The following MEMO1 variants were observed in gnomAD, a reference collection of about 807,000 sequenced individuals.
MEMO1 encodes the protein mediator of cell motility 1, also known as protein MEMO1.
A neutral mutation model predicts 45.2 loss-of-function variants in MEMO1; 6 were observed. The observed-to-expected ratio is 0.13, with a 90% CI of 0.07 to 0.26. MEMO1 has a LOEUF of 0.26. MEMO1 is among the 10% of genes least tolerant of loss of function. MEMO1 has a pLI of 1.00. For synonymous variants in MEMO1, 78 were observed against 124.3 expected, an observed-to-expected ratio of 0.63 and a Z score of 2.48; for missense variants, 184 against 370.5, an observed-to-expected ratio of 0.50 and a Z score of 4.13.
intron 4 of MEMO1, 85 bp from the exon 5 acceptor site, chr2:31,920,995 C>A: frequency 2.2e-6 from 2 of 892,354 alleles, no homozygotes; most frequent in South Asian, 1.6e-5. Flanking sequence ...GTAATTCTTA[C>A]AAATCACTTG....
intron 6 of MEMO1, among the ~76,000 whole-genome samples, chr2:31,912,610 T>C (rs1680751400): frequency 6.6e-6 from 1 of 150,770 alleles, no homozygotes; most frequent in African/African-American, 2.4e-5. Flanking sequence ...AAAGTAATCA[T>C]AAGAAAAAAA....
chr2:31,973,217 GC>G (rs1669609047), intron 2 of MEMO1, among the ~76,000 whole-genome samples: 1 of 152,202 alleles, frequency 6.6e-6, no homozygotes, highest in South Asian at 2.1e-4. Context: ...ACTTTGGGAG[GC>G]CGAGGTGGGT....
intron 2 of MEMO1, among the ~76,000 whole-genome samples, chr2:31,962,090 A>G (rs1668071385): frequency 6.6e-6 from 1 of 152,146 alleles, no homozygotes; most frequent in South Asian, 2.1e-4. Flanking sequence ...AAAATTGTTC[A>G]GGTTGATACA....
intron 4 of MEMO1, among the ~76,000 whole-genome samples, chr2:31,921,431 T>G (rs927101203): frequency 1.3e-5 from 2 of 152,210 alleles, no homozygotes; most frequent in East Asian, 1.9e-4. Context: ...CTTTGTTGGA[T>G]GGCCTTTAAG....
intron 2 of MEMO1, among the ~76,000 whole-genome samples, chr2:32,009,668 C>T (rs1295179749): frequency 6.6e-6 from 1 of 152,074 alleles, no homozygotes; most frequent in Non-Finnish European, 1.5e-5. Flanking sequence ...GAGGGCACTC[C>T]CCGGACCGCC....
Position 31,913,850 on chromosome 2 carries a change from A to C in MEMO1, c.437+4076T>G, listed in dbSNP as rs563234415. 7.8e-4 allele frequency among the ~76,000 whole-genome samples: 119 copies of C among 152,284 alleles called. 1 individual carries two copies. The highest frequency in any genetic ancestry group is 2.6e-3 in the African/African-American group (109 of 41,560). On this transcript the variant is annotated intron_variant, in intron 6 of 9. Transcript: ENST00000404530. The stretch of plus-strand genomic sequence containing the variant: ...AAATTCTTCCCACCTCTCAATGCTC[A>C]ATGTCACTCCTCCCATCAAAAATAG...
At chr2:31,974,136 T>C (rs929408088) in intron 2 of MEMO1, among the ~76,000 whole-genome samples, 13 of 141,706 alleles carry the variant, frequency 9.2e-5, no homozygotes, top group Non-Finnish European at 1.2e-4. Flanking sequence ...TTTAATATCA[T>C]GGATATTCAC....
chr2:31,898,334 C>T (rs1678202149), intron 6 of MEMO1, among the ~76,000 whole-genome samples: 1 of 152,168 alleles, frequency 6.6e-6, no homozygotes, highest in Admixed American at 6.5e-5. Flanking sequence ...ATCTCTCCCT[C>T]TTTCTCCTGT....
rs1193134219 is a variant in MEMO1, at chr2:31,933,349, ATTTATAT to A, written c.144-1221_144-1215del. Among the ~76,000 whole-genome samples the A allele has an allele frequency of 9.1e-3, 176 of 19,272 alleles. 3 individuals carry two copies. The highest frequency in any genetic ancestry group is 0.015 in the African/African-American group (63 of 4,148). The allele number at this position is 19,272 out of a possible 152,430, so 12.6% of individuals were successfully genotyped here. A position where few individuals can be genotyped will look rare whatever the true frequency, so the allele number is the denominator to read the frequency against. ...AAAAAAAAAAAAAAAAAAAAAAAAA[ATTTATAT>A]ATATATATATATATATATATATATA... is the stretch of plus-strand genomic sequence containing the variant. On this transcript the variant is annotated intron_variant, in intron 3 of 9. Coordinates refer to ENST00000404530, the MANE Select transcript of MEMO1 (RefSeq NM_001301833.4).
chr2:31,990,062 A>G (rs931680635), intron 2 of MEMO1, among the ~76,000 whole-genome samples: 9 of 152,222 alleles, frequency 5.9e-5, no homozygotes, highest in Non-Finnish European at 1.3e-4. Context: ...GGTTGCAATG[A>G]GCCATGAGCA....
At chr2:31,900,683 T>TA (rs1678655171) in intron 6 of MEMO1, among the ~76,000 whole-genome samples, 1 of 150,592 alleles carries the variant, frequency 6.6e-6, no homozygotes. Flanking sequence ...GTACAATAAT[T>TA]TAAAAAAAAA....
At chr2:31,962,323 G>A (rs1165791659) in intron 2 of MEMO1, among the ~76,000 whole-genome samples, 1 of 152,084 alleles carries the variant, frequency 6.6e-6, no homozygotes, top group Non-Finnish European at 1.5e-5. Context: ...TGGGGAAGTC[G>A]AGGCTGCAGT....
chr2:31,916,042 T>C (rs1320318796), intron 6 of MEMO1, among the ~76,000 whole-genome samples: 1 of 152,144 alleles, frequency 6.6e-6, no homozygotes, highest in Non-Finnish European at 1.5e-5. Flanking sequence ...AATGTGGCAG[T>C]AGTTTATTTG....
chr2:31,988,917 T>C (rs1671602527), intron 2 of MEMO1, among the ~76,000 whole-genome samples: 1 of 151,930 alleles, frequency 6.6e-6, no homozygotes, highest in African/African-American at 2.4e-5. Flanking sequence ...TGAAAATGAA[T>C]AGTGGGCAGC....
At chr2:31,893,394 G>A in intron 6 of MEMO1, 1 of 1,068,486 alleles carries the variant, frequency 9.4e-7, no homozygotes, top group Non-Finnish European at 1.2e-6. Context: ...ACTGTTACCA[G>A]TTTGCTAAAT....
At chr2:31,897,516 C>T (rs1678042855) in intron 6 of MEMO1, among the ~76,000 whole-genome samples, 1 of 152,142 alleles carries the variant, frequency 6.6e-6, no homozygotes, top group Non-Finnish European at 1.5e-5. Context: ...TGATGGATTA[C>T]ATTTATCGAT....
At chr2:31,927,878 T>C (rs919229196) in intron 4 of MEMO1, among the ~76,000 whole-genome samples, 3 of 152,194 alleles carry the variant, frequency 2.0e-5, no homozygotes, top group East Asian at 1.9e-4. Context: ...TGAGAACCAC[T>C]GTATTTCACT....
chr2:31,906,461 T>G (rs755939294), intron 6 of MEMO1, among the ~76,000 whole-genome samples: 1 of 151,846 alleles, frequency 6.6e-6, no homozygotes, highest in Non-Finnish European at 1.5e-5. Flanking sequence ...GTAGCTTGGA[T>G]TACAGGCACA....
chr2:31,993,945 C>CTTTCT, intron 2 of MEMO1, among the ~76,000 whole-genome samples: 1 of 124,580 alleles, frequency 8.0e-6, no homozygotes, highest in African/African-American at 3.1e-5. Context: ...ATCATCAATA[C>CTTTCT]TTTCTTTTTT....
Sources: allele counts gnomAD v4.1 joint callset (sites outside exome capture counted in the v4.1 genomes callset), GRCh38; gene constraint gnomAD v4.1.1; transcripts MANE v1.5; gene names NCBI Gene and HGNC (gene_info 2026-07-23, HGNC 2026-07-21).